CCDC57: variants seen among roughly 807,000 people sequenced by gnomAD.
CCDC57 encodes the protein coiled-coil domain-containing protein 57.
A neutral mutation model predicts 118.9 loss-of-function variants in CCDC57; 118 were observed. The ratio of observed to expected loss-of-function variants is 0.99; its 90% CI spans 0.86 to 1.16. The LOEUF is 1.16. Among genes scored for constraint, CCDC57 ranks in the 50% most tolerant of loss-of-function variants. The pLI is 0.00. For synonymous variants in CCDC57, 527 were observed against 532.9 expected (o/e 0.99, Z 0.15); for missense variants, 1,300 against 1,320.7 (o/e 0.98, Z 0.24).
chr17:82,122,087 T>C (rs1598700381), intron 19 of CCDC57, among the ~76,000 whole-genome samples: 1 of 152,006 alleles, frequency 6.6e-6, no homozygotes, highest in African/African-American at 2.4e-5. Flanking sequence ...CCCTCTTCAC[T>C]CTCTCCCGGA....
At chr17:82,175,449 C>A (rs2045345921) in intron 11 of CCDC57, 1 of 152,256 alleles carries the variant, frequency 6.6e-6, no homozygotes, top group African/African-American at 2.4e-5. Context: ...GGCAAACCTG[C>A]CTCCCATTCT....
At chr17:82,186,986 C>G (rs1220950011) in intron 8 of CCDC57, among the ~76,000 whole-genome samples, 2 of 151,572 alleles carry the variant, frequency 1.3e-5, no homozygotes, top group African/African-American at 4.9e-5. Flanking sequence ...CACCTGTAAT[C>G]CCAGCACTTT....
At chr17:82,138,453 G>A (rs562547676) in intron 16 of CCDC57, among the ~76,000 whole-genome samples, 15 of 152,104 alleles carry the variant, frequency 9.9e-5, no homozygotes, top group Non-Finnish European at 1.8e-4. Flanking sequence ...TGGCTGAGAC[G>A]GGAGGATCTC....
At chr17:82,162,496 G>A (rs965502921) in intron 14 of CCDC57, among the ~76,000 whole-genome samples, 1 of 152,242 alleles carries the variant, frequency 6.6e-6, no homozygotes, top group Admixed American at 6.5e-5. Context: ...GCTTGCCGGG[G>A]CCCTAGTATC....
intron 13 of CCDC57, 42 bp downstream of exon 12, chr17:82,171,659 T>C (rs1266773199): frequency 3.8e-6 from 6 of 1,591,652 alleles, no homozygotes; most frequent in Non-Finnish European, 5.2e-6. Context: ...AGATTTCAGT[T>C]TATAAGGGGA....
rs769580451 is a variant in CCDC57 at position 82,101,606 on chromosome 17, C to A, written c.*76G>T. On this transcript the variant is annotated 3_prime_UTR_variant, in exon 20 of 20. Transcript: ENST00000665763. ...TGCACGCTGTGCCCACACCCCCCCA[C>A]AACACGTAGGTGAAAGCACAGGCAC... 3 of 1,271,772 alleles carry A rather than the reference C, an allele frequency of 2.4e-6. No homozygotes were observed. In the Admixed American group the frequency reaches 6.7e-5, roughly 28 times the overall value. 78.8% of individuals were successfully genotyped at this position (1,271,772 alleles called of 1,614,324 possible).
At chr17:82,162,976 C>A (rs1178795922) in intron 14 of CCDC57, among the ~76,000 whole-genome samples, 1 of 152,224 alleles carries the variant, frequency 6.6e-6, no homozygotes, top group African/African-American at 2.4e-5. Context: ...ACTGCCTAGA[C>A]CATGCTTCCC....
chr17:82,104,288 G>A (rs1258194256), intron 19 of CCDC57, among the ~76,000 whole-genome samples: 2 of 152,240 alleles, frequency 1.3e-5, no homozygotes, highest in Admixed American at 6.5e-5. Flanking sequence ...CGGGCACAGC[G>A]TGAGGAACGC....
At chr17:82,149,053 TTGGGTGGGTGGATGGATGGA>T (rs1410238951) in intron 16 of CCDC57, among the ~76,000 whole-genome samples, 1 of 25,958 alleles carries the variant, frequency 3.9e-5, no homozygotes, top group African/African-American at 1.5e-4. Context: ...GGACGGATGG[TTGGGTGGGTGGATGGATGGA>T]TGGGTGGGTG....
chr17:82,191,997 T>C (rs887263441), intron 7 of CCDC57, among the ~76,000 whole-genome samples: 15 of 151,866 alleles, frequency 9.9e-5, no homozygotes, highest in African/African-American at 3.6e-4. Flanking sequence ...CTTTTTTTTT[T>C]TTTTTTGAAA....
At chr17:82,183,784 CCTG>C (rs1568397834) in exon 9 of CCDC57, 1 of 1,561,296 alleles carries the variant, frequency 6.4e-7, no homozygotes, top group Non-Finnish European at 8.7e-7. Flanking sequence ...CTTTCAATGT[CCTG>C]CTGGGATCGG....
chr17:82,163,415 G>C (rs1358410409), intron 13 of CCDC57, 58 bp from the exon 13 acceptor site: 24 of 1,587,836 alleles, frequency 1.5e-5, no homozygotes, highest in Non-Finnish European at 2.0e-5. Flanking sequence ...AGACCTTTCT[G>C]GGGAGACACA....
intron 14 of CCDC57, among the ~76,000 whole-genome samples, 171 bp from the exon 14 acceptor site, chr17:82,158,119 G>A (rs576914807): frequency 2.5e-4 from 38 of 152,260 alleles, no homozygotes; most frequent in African/African-American, 7.7e-4. Flanking sequence ...CCCCAACCAC[G>A]GCCACTGCTC....
chr17:82,206,603 T>G (rs2049681314), intron 2 of CCDC57, among the ~76,000 whole-genome samples: 1 of 152,158 alleles, frequency 6.6e-6, no homozygotes, highest in South Asian at 2.1e-4. Context: ...ATATCTCCCC[T>G]TACGCATCTC....
At position 82,145,850 on chromosome 17, in the gene CCDC57, C is replaced by A. The variant is rs563945352; in HGVS notation, c.2455+5710G>T. On this transcript the variant is annotated intron_variant, in intron 16 of 19. Coordinates refer to ENST00000665763, the Ensembl canonical transcript of CCDC57. ...ATCTCAGAGGGGGCCCACCATGTCA[C>A]CTGCTGGAGTTGGCTCCACAGTCTG... The A allele has an allele frequency of 8.7e-6, 4 of 461,996 alleles. No homozygotes were observed. The East Asian group carries it at 3.0e-4, about 35-fold the overall frequency. 28.6% of individuals were successfully genotyped at this position (461,996 alleles called of 1,614,324 possible).
intron 4 of CCDC57, 86 bp from the exon 4 acceptor site, chr17:82,195,450 T>TG: frequency 1.0e-6 from 1 of 996,284 alleles, no homozygotes; most frequent in Non-Finnish European, 1.6e-6. Flanking sequence ...GATCCAGAGG[T>TG]GAGCAGGACA....
At chr17:82,206,319 A>G (rs1005636090) in intron 2 of CCDC57, among the ~76,000 whole-genome samples, 2 of 152,240 alleles carry the variant, frequency 1.3e-5, no homozygotes, top group South Asian at 2.1e-4. Flanking sequence ...TTTCTTGCAC[A>G]GTTCCTGGCT....
chr17:82,141,286 C>T (rs972406588), intron 16 of CCDC57, among the ~76,000 whole-genome samples: 14 of 151,346 alleles, frequency 9.3e-5, no homozygotes, highest in Admixed American at 5.3e-4. Context: ...CTGGTTCAAG[C>T]GATTCTTCTG....
At chr17:82,204,096 G>A (rs2049307904) in intron 2 of CCDC57, among the ~76,000 whole-genome samples, 2 of 152,118 alleles carry the variant, frequency 1.3e-5, no homozygotes, top group Non-Finnish European at 2.9e-5. Context: ...TGGGGGTCCT[G>A]AGACGGCGCT....
Sources: allele counts gnomAD v4.1 joint callset (sites outside exome capture counted in the v4.1 genomes callset), GRCh38; gene constraint gnomAD v4.1.1; transcripts MANE v1.5; gene names NCBI Gene and HGNC (gene_info 2026-07-23, HGNC 2026-07-21).